Variants in KAZN observed in about 807,000 individuals in gnomAD.
KAZN encodes kazrin, periplakin interacting protein.
KAZN carries 40 observed loss-of-function variants against 87.4 expected under a neutral mutation model. The observed-to-expected ratio is 0.46, with a 90% CI of 0.36 to 0.60. KAZN has a LOEUF of 0.60. KAZN is among the 20% of genes least tolerant of loss of function. KAZN has a pLI of 0.00. For missense variants in KAZN, 898 were observed against 1,073.9 expected, an observed-to-expected ratio of 0.84 and a Z score of 2.29; for synonymous variants, 466 against 458.3, an observed-to-expected ratio of 1.02 and a Z score of -0.22.
chr1:14,998,668 C>A (rs1382980139), intron 2 of KAZN, among the ~76,000 whole-genome samples: 1 of 152,216 alleles, frequency 6.6e-6, no homozygotes, highest in East Asian at 1.9e-4. Flanking sequence ...CCTGCCTCAA[C>A]CTCCCGAGTA....
chr1:14,513,067 G>A (rs1479321447), intron 2 of KAZN, among the ~76,000 whole-genome samples: 1 of 152,258 alleles, frequency 6.6e-6, no homozygotes, highest in East Asian at 1.9e-4. Flanking sequence ...TTTCTAGTTT[G>A]GTTTCCCCAG....
intron 1 of KAZN, among the ~76,000 whole-genome samples, chr1:14,932,867 T>G (rs1660007833): frequency 6.6e-6 from 1 of 152,128 alleles, no homozygotes. Flanking sequence ...GATATTCAAT[T>G]TAGTGGCATT....
chr1:14,779,588 A>G (rs1645273764), intron 1 of KAZN, among the ~76,000 whole-genome samples: 1 of 151,400 alleles, frequency 6.6e-6, no homozygotes, highest in South Asian at 2.1e-4. Context: ...GTAGGTCTAC[A>G]GGGCAATTGC....
chr1:14,979,064 C>G (rs1469576066), intron 2 of KAZN, among the ~76,000 whole-genome samples: 1 of 151,860 alleles, frequency 6.6e-6, no homozygotes, highest in East Asian at 2.0e-4. Flanking sequence ...GCCACCATGC[C>G]CAGCTAATTT....
At chr1:14,563,537 A>G (rs1056194525) in intron 2 of KAZN, among the ~76,000 whole-genome samples, 2 of 152,152 alleles carry the variant, frequency 1.3e-5, no homozygotes, top group Non-Finnish European at 2.9e-5. Flanking sequence ...TGGCGAATTC[A>G]TCACCTTCCT....
At chr1:14,786,548 A>T (rs999866758) in intron 1 of KAZN, among the ~76,000 whole-genome samples, 3 of 152,218 alleles carry the variant, frequency 2.0e-5, no homozygotes, top group Non-Finnish European at 4.4e-5. Flanking sequence ...AATCAAGCTC[A>T]AATAAGGAGC....
upstream of KAZN, among the ~76,000 whole-genome samples, chr1:14,595,609 AG>A (rs1342221064): frequency 1.4e-5 from 2 of 143,254 alleles, no homozygotes; most frequent in African/African-American, 5.4e-5. Context: ...TGAACCCAGG[AG>A]GCGGAGGTTG....
chr1:14,556,578 A>T (rs1673894069), intron 2 of KAZN, among the ~76,000 whole-genome samples: 1 of 152,210 alleles, frequency 6.6e-6, no homozygotes, highest in Non-Finnish European at 1.5e-5. Flanking sequence ...CATTAAAAGA[A>T]GACAACATTT....
intron 8 of KAZN, among the ~76,000 whole-genome samples, chr1:15,089,015 T>C (rs1640404374): frequency 6.6e-6 from 1 of 151,950 alleles, no homozygotes; most frequent in Non-Finnish European, 1.5e-5. Flanking sequence ...ACGCTCACAT[T>C]GCACACCAGA....
intron 2 of KAZN, among the ~76,000 whole-genome samples, chr1:14,385,168 T>C (rs1661755358): frequency 1.3e-5 from 2 of 152,202 alleles, no homozygotes; most frequent in Admixed American, 1.3e-4. Context: ...TGATAACCCC[T>C]TTATCATTTT....
At chr1:14,666,601 CTG>C (rs1639566591) in intron 1 of KAZN, among the ~76,000 whole-genome samples, 1 of 152,204 alleles carries the variant, frequency 6.6e-6, no homozygotes, top group African/African-American at 2.4e-5. Flanking sequence ...TACACGCCCT[CTG>C]AAGCCTCTGG....
At position 15,021,382 on chromosome 1, in the gene KAZN, TC is replaced by T. The variant is rs1670651789; in HGVS notation, c.419-13365del. Among the ~76,000 whole-genome samples, 2 of 152,270 alleles carry T rather than the reference TC, an allele frequency of 1.3e-5. No homozygotes were observed. The highest frequency in any genetic ancestry group is 3.9e-4 in the East Asian group (2 of 5,182). On this transcript the variant is annotated intron_variant, in intron 2 of 14. Transcript: ENST00000376030. The surrounding 1 kb of genome is among the most constrained non-coding windows in gnomAD (Gnocchi z 4.2). ...GCTTCAACCTAGGGAATGTCCGTGT[TC>T]CGGGCCCATTCCCTGCCACTATTTT... is the stretch of plus-strand genomic sequence containing the variant.
At chr1:15,014,971 T>C (rs757238911) in intron 2 of KAZN, among the ~76,000 whole-genome samples, 31 of 152,294 alleles carry the variant, frequency 2.0e-4, no homozygotes, top group South Asian at 8.3e-4. Flanking sequence ...TGTGCCTCAA[T>C]TGTCCCTTCT....
chr1:14,250,382 GAC>G (rs1396701295), intron 2 of KAZN, among the ~76,000 whole-genome samples: 1 of 151,508 alleles, frequency 6.6e-6, no homozygotes, highest in African/African-American at 2.4e-5. Flanking sequence ...GGGATTCTAA[GAC>G]ACATATATAT....
intron 1 of KAZN, among the ~76,000 whole-genome samples, chr1:14,688,250 G>A (rs936321958): frequency 6.6e-6 from 1 of 152,200 alleles, no homozygotes; most frequent in Non-Finnish European, 1.5e-5. Flanking sequence ...CCTGAGATTG[G>A]GTTTGGTTCC....
At chr1:14,378,957 G>T (rs554329999) in intron 2 of KAZN, among the ~76,000 whole-genome samples, 6 of 151,150 alleles carry the variant, frequency 4.0e-5, no homozygotes, top group African/African-American at 1.5e-4. Context: ...AACCGAGGCT[G>T]CACAGCTTGC....
intron 2 of KAZN, among the ~76,000 whole-genome samples, chr1:14,413,635 A>C (rs1288491944): frequency 6.6e-6 from 1 of 151,534 alleles, no homozygotes; most frequent in African/African-American, 2.4e-5. Flanking sequence ...TTAAGAGAAA[A>C]TATAGGAAGA....
At chr1:14,208,498 G>GA (rs1316597586) in intron 2 of KAZN, among the ~76,000 whole-genome samples, 2 of 152,122 alleles carry the variant, frequency 1.3e-5, no homozygotes, top group Admixed American at 6.6e-5. Context: ...TAGACAGAGT[G>GA]AAAAAAAGCC....
chr1:14,749,896 A>G (rs559289977), intron 1 of KAZN, among the ~76,000 whole-genome samples: 10 of 152,082 alleles, frequency 6.6e-5, no homozygotes, highest in African/African-American at 2.4e-4. Context: ...TACCTTCCTC[A>G]TGGGCCATTG....
Sources: gnomAD v4.1 joint callset for allele counts (sites outside exome capture counted in the v4.1 genomes callset) on GRCh38, gnomAD v4.1.1 for gene constraint, Gnocchi (gnomAD v3.1) non-coding constraint, MANE v1.5 for transcripts, NCBI Gene and HGNC (gene_info 2026-07-23, HGNC 2026-07-21) for gene names.